The following SEMA3C variants were observed in gnomAD, a reference collection of about 807,000 sequenced individuals.
The protein encoded by SEMA3C is semaphorin 3C.
A neutral mutation model predicts 89.4 loss-of-function variants in SEMA3C; 47 were observed. The observed-to-expected ratio is 0.53, with a 90% CI of 0.42 to 0.67. The LOEUF (loss-of-function observed/expected upper bound fraction) is 0.67, where lower values mean the gene tolerates loss of function less well. Ranked by LOEUF, SEMA3C falls within the 30% of genes least tolerant of loss-of-function variation. SEMA3C has a pLI of 0.00. For missense variants in SEMA3C, 839 were observed against 929.1 expected, an observed-to-expected ratio of 0.90 and a Z score of 1.26; for synonymous variants, 310 against 320.2, an observed-to-expected ratio of 0.97 and a Z score of 0.34.
chr7:80,894,558 C>T lies in SEMA3C; in HGVS notation c.103+22121G>A, dbSNP rs571706520. On this transcript the variant is annotated intron_variant, in intron 2 of 17. Coordinates refer to ENST00000265361, the MANE Select transcript of SEMA3C (RefSeq NM_006379.5). ...AACGGGATTTGAACCCAGTCTGATG[C>T]ATTAGCACTGGGGGTTTGAAGGCAG... is the stretch of plus-strand genomic sequence containing the variant. 2.0e-5 allele frequency among the ~76,000 whole-genome samples: 3 copies of T among 152,196 alleles called. No homozygotes were observed. The East Asian group carries it at 5.8e-4, about 29-fold the overall frequency.
At chr7:80,844,326 G>A (rs117095197) in intron 2 of SEMA3C, among the ~76,000 whole-genome samples, 2 of 152,114 alleles carry the variant, frequency 1.3e-5, no homozygotes, top group Admixed American at 1.3e-4. Flanking sequence ...TATTACTAAT[G>A]ATTATATTGA....
intron 4 of SEMA3C, among the ~76,000 whole-genome samples, chr7:80,824,957 T>A (rs1348778360): frequency 6.6e-6 from 1 of 150,584 alleles, no homozygotes; most frequent in African/African-American, 2.4e-5. Context: ...TGTAAAGACT[T>A]AAATGTAAGG....
rs147714577 is a variant in SEMA3C, at chr7:80,840,786, C to A, written c.104-12041G>T. 4.1e-3 allele frequency among the ~76,000 whole-genome samples: 617 copies of A among 152,168 alleles called. 5 individuals carry two copies. Among genetic ancestry groups the A allele is most frequent in the Admixed American group, 6.0e-3 (91 of 15,268 alleles). On this transcript the variant is annotated intron_variant, in intron 2 of 17. Transcript: ENST00000265361. Reference sequence around the variant, plus strand: ...TGTTTCTCCATTCAATAAATATTAACTAAGCCACTCAATATTATACTAAAA... The same window carrying A: ...TGTTTCTCCATTCAATAAATATTAAATAAGCCACTCAATATTATACTAAAA...
intron 2 of SEMA3C, among the ~76,000 whole-genome samples, chr7:80,879,205 T>A (rs1159882024): frequency 6.6e-6 from 1 of 151,382 alleles, no homozygotes; most frequent in Admixed American, 6.6e-5. Context: ...GGAAGGATTA[T>A]TAAAAAAAAA....
intron 1 of SEMA3C, chr7:80,918,250 C>T (rs189509803): frequency 2.2e-4 from 34 of 152,178 alleles, no homozygotes; most frequent in African/African-American, 8.0e-4. Context: ...GTTATGTTTA[C>T]TGAGCAAGTT....
intron 2 of SEMA3C, among the ~76,000 whole-genome samples, chr7:80,842,113 C>T (rs1312506436): frequency 6.6e-6 from 1 of 152,128 alleles, no homozygotes; most frequent in Non-Finnish European, 1.5e-5. Context: ...TTTAAACAGT[C>T]CTTGGGAGTG....
chr7:80,848,555 C>A (rs912209417), intron 2 of SEMA3C, among the ~76,000 whole-genome samples: 1 of 152,108 alleles, frequency 6.6e-6, no homozygotes, highest in Non-Finnish European at 1.5e-5. Context: ...CTTCTCCTAG[C>A]AACATTTGAA....
intron 2 of SEMA3C, among the ~76,000 whole-genome samples, chr7:80,884,893 A>G (rs1791436199): frequency 6.6e-6 from 1 of 152,238 alleles, no homozygotes; most frequent in Non-Finnish European, 1.5e-5. Flanking sequence ...GAACTGGAGA[A>G]TAATAAACAT....
intron 13 of SEMA3C, among the ~76,000 whole-genome samples, chr7:80,762,009 A>G (rs1788195399): frequency 6.6e-6 from 1 of 151,012 alleles, no homozygotes; most frequent in Non-Finnish European, 1.5e-5. Context: ...GAATTGCTTG[A>G]ACCTGGGAGG....
intron 2 of SEMA3C, among the ~76,000 whole-genome samples, chr7:80,836,044 T>C (rs970692521): frequency 1.3e-5 from 2 of 152,186 alleles, no homozygotes; most frequent in African/African-American, 2.4e-5. Flanking sequence ...GCTCTGGACA[T>C]GGGTCTGCAT....
chr7:80,748,839 C>A, intron 17 of SEMA3C, 59 bp downstream of exon 17: 2 of 1,490,930 alleles, frequency 1.3e-6, no homozygotes, highest in South Asian at 1.3e-5. Context: ...CGCTGAGGGA[C>A]AGTGATTTAA....
At chr7:80,798,473 T>C (rs1326441590) in intron 10 of SEMA3C, among the ~76,000 whole-genome samples, 1 of 152,162 alleles carries the variant, frequency 6.6e-6, no homozygotes, top group Non-Finnish European at 1.5e-5. Flanking sequence ...AAAGTCCTTT[T>C]CAATGTTTCC....
chr7:80,786,963 C>A (rs1253375236), intron 12 of SEMA3C, among the ~76,000 whole-genome samples: 2 of 152,010 alleles, frequency 1.3e-5, no homozygotes, highest in African/African-American at 4.8e-5. Context: ...TGTGTGTTAT[C>A]CAACAGTCAA....
At chr7:80,899,254 T>C (rs1207789961) in intron 2 of SEMA3C, among the ~76,000 whole-genome samples, 2 of 152,188 alleles carry the variant, frequency 1.3e-5, no homozygotes, top group African/African-American at 4.8e-5. Context: ...TTGGCCAGGC[T>C]GGTCTCGAAC....
chr7:80,798,257 A>T, intron 10 of SEMA3C, 21 bp from the exon 11 acceptor site: 1 of 1,408,142 alleles, frequency 7.1e-7, no homozygotes, highest in African/African-American at 1.5e-5. Flanking sequence ...AAACAGAAAA[A>T]GGCATTTTCA....
intron 2 of SEMA3C, among the ~76,000 whole-genome samples, chr7:80,845,675 C>T (rs1474794013): frequency 6.6e-6 from 1 of 152,120 alleles, no homozygotes; most frequent in East Asian, 1.9e-4. Context: ...TGGAAAATGG[C>T]ATGAGCCTTC....
At chr7:80,765,636 G>A (rs55937219) in intron 12 of SEMA3C, among the ~76,000 whole-genome samples, 66,160 of 151,958 alleles carry the variant, frequency 0.44, 17,790 homozygotes, top group Non-Finnish European at 0.59. Flanking sequence ...GAGTGCAGTG[G>A]CGTGATCTTG....
chr7:80,765,721 T>C (rs987402622), intron 12 of SEMA3C, among the ~76,000 whole-genome samples: 13 of 152,040 alleles, frequency 8.6e-5, no homozygotes, highest in East Asian at 1.9e-4. Flanking sequence ...GGATTACAGG[T>C]GCCCGCCACC....
chr7:80,812,795 T>C (rs528188097), intron 5 of SEMA3C, among the ~76,000 whole-genome samples: 136 of 152,150 alleles, frequency 8.9e-4, no homozygotes, highest in African/African-American at 3.1e-3. Flanking sequence ...TGTTGTTTGT[T>C]TGTCTTTTAA....
Sources: gnomAD v4.1 joint callset for allele counts (sites outside exome capture counted in the v4.1 genomes callset) on GRCh38, gnomAD v4.1.1 for gene constraint, MANE v1.5 for transcripts, NCBI Gene and HGNC (gene_info 2026-07-23, HGNC 2026-07-21) for gene names.